ENKUR: variants seen among roughly 807,000 people sequenced by gnomAD.
ENKUR encodes the protein enkurin.
Under a neutral mutation model 27.6 loss-of-function variants are expected in ENKUR, and 19 were observed. That is an observed-to-expected ratio of 0.69 (90% CI 0.48 to 1.01). The LOEUF is 1.01. Among genes scored for constraint, ENKUR ranks in the 50% least tolerant of loss-of-function variants. ENKUR has a pLI of 0.00. For synonymous variants in ENKUR, 117 were observed against 96.9 expected, an observed-to-expected ratio of 1.21 and a Z score of -1.22; for missense variants, 312 against 310.5, an observed-to-expected ratio of 1.00 and a Z score of -0.04.
intron 4 of ENKUR, among the ~76,000 whole-genome samples, chr10:24,986,377 G>C (rs1849778686): frequency 6.6e-6 from 1 of 152,174 alleles, no homozygotes; most frequent in Non-Finnish European, 1.5e-5. Flanking sequence ...AAGGATCTGG[G>C]AAAGGGAAAG....
chr10:25,005,484 C>A (rs1015299178), intron 1 of ENKUR, among the ~76,000 whole-genome samples: 7 of 152,034 alleles, frequency 4.6e-5, no homozygotes, highest in South Asian at 2.1e-4. Flanking sequence ...CTCTAATGGG[C>A]AAAATAGGCA....
chr10:25,023,195 GT>G (rs1280694008), intron 2 of ENKUR: 1 of 1,570,526 alleles, frequency 6.4e-7, no homozygotes, highest in Non-Finnish European at 8.6e-7. Flanking sequence ...CAATTTTTAG[GT>G]TGGCTTGGGC....
chr10:25,037,270 A>G (rs1042192032), intron 2 of ENKUR, among the ~76,000 whole-genome samples: 2 of 152,120 alleles, frequency 1.3e-5, no homozygotes, highest in Non-Finnish European at 2.9e-5. Context: ...AGAAATTAAG[A>G]CTCATGGGCC....
intron 2 of ENKUR, among the ~76,000 whole-genome samples, chr10:24,997,073 G>A (rs73608212): frequency 0.029 from 4,347 of 152,248 alleles, 139 homozygotes; most frequent in African/African-American, 0.078. Context: ...ACCCTGCTGC[G>A]TGTGGTGTTG....
Position 24,984,616 on chromosome 10 carries a change from T to C in ENKUR, c.764+120A>G, listed in dbSNP as rs1424579111. 5 of 1,079,254 alleles carry C rather than the reference T, an allele frequency of 4.6e-6. No individual in the cohort carries two copies. In the Admixed American group the frequency reaches 1.5e-4, roughly 33 times the overall value. 66.9% of individuals were successfully genotyped at this position (1,079,254 alleles called of 1,614,324 possible). A position where few individuals can be genotyped will look rare whatever the true frequency, so the allele number is the denominator to read the frequency against. ...TTTGCATATTGCCTAAGCATTCTGA[T>C]TAAGACTATTTTTATTCTCTTCATA... On this transcript the variant is annotated intron_variant, in intron 5 of 5. Coordinates refer to ENST00000331161, the MANE Select transcript of ENKUR (RefSeq NM_145010.4).
At position 24,999,474 on chromosome 10, in the gene ENKUR, T is replaced by C; in HGVS notation, c.150A>G (p.Gly50=). The C allele has an allele frequency of 3.1e-6, 5 of 1,613,378 alleles. No homozygotes were observed. The highest frequency in any genetic ancestry group is 4.2e-6 in the Non-Finnish European group (5 of 1,179,698). Residue 50 remains glycine (G), a synonymous_variant, in exon 2 of 6, where the codon GGA becomes GGG. Transcript: ENST00000331161. ...QKAKTAMKTM[G]PAKVEVPSPK... ...GAGAAGGTACTTCAACTTTTGCTGG[T>C]CCCATAGTTTTCATTGCAGTTTTAG...
At chr10:25,045,974 T>C (rs993096097) in intron 2 of ENKUR, among the ~76,000 whole-genome samples, 1 of 152,176 alleles carries the variant, frequency 6.6e-6, no homozygotes, top group African/African-American at 2.4e-5. Flanking sequence ...TGAACCTGAT[T>C]TCATAGTTCA....
intron 2 of ENKUR, among the ~76,000 whole-genome samples, chr10:25,028,386 C>T (rs59288814): frequency 0.013 from 2,040 of 152,226 alleles, 58 homozygotes; most frequent in African/African-American, 0.046. Context: ...TCCCTTTCCC[C>T]GCCCCTTTGA....
intron 1 of ENKUR, among the ~76,000 whole-genome samples, chr10:25,007,426 ATTTATTTG>A (rs1365813724): frequency 6.6e-6 from 1 of 151,778 alleles, no homozygotes; most frequent in African/African-American, 2.4e-5. Context: ...TTATTTATTT[ATTTATTTG>A]TTTGTTTGTT....
chr10:25,026,347 AG>A (rs1458730999), intron 2 of ENKUR: 2 of 166,726 alleles, frequency 1.2e-5, no homozygotes, highest in African/African-American at 4.8e-5. Flanking sequence ...AGGATGAAAC[AG>A]TAAGCAGAAC....
upstream of ENKUR, among the ~76,000 whole-genome samples, chr10:25,018,659 G>GTTTTTTTTTTTTTTTTTTTTTTTTT (rs374289213): frequency 6.4e-5 from 6 of 93,716 alleles, 1 homozygote; most frequent in Non-Finnish European, 6.6e-5. Flanking sequence ...AATGAGAGTT[G>GTTTTTTTTTTTTTTTTTTTTTTTTT]TTTTTTTTTT....
At chr10:24,998,446 C>A (rs927806993) in intron 2 of ENKUR, among the ~76,000 whole-genome samples, 5 of 151,242 alleles carry the variant, frequency 3.3e-5, no homozygotes, top group African/African-American at 1.2e-4. Context: ...TTGATCATAG[C>A]TCACTGCAGT....
At chr10:25,008,500 T>C (rs1850365749) in intron 1 of ENKUR, among the ~76,000 whole-genome samples, 1 of 152,208 alleles carries the variant, frequency 6.6e-6, no homozygotes, top group Non-Finnish European at 1.5e-5. Flanking sequence ...AACATGTAAG[T>C]GTTAACAGTA....
At chr10:25,031,528 T>G (rs1332697104) in intron 2 of ENKUR, among the ~76,000 whole-genome samples, 1 of 152,184 alleles carries the variant, frequency 6.6e-6, no homozygotes, top group Non-Finnish European at 1.5e-5. Context: ...ATAAATTGTT[T>G]TAATTCACTA....
chr10:25,024,510 G>A, intron 2 of ENKUR: 1 of 1,614,182 alleles, frequency 6.2e-7, no homozygotes, highest in Non-Finnish European at 8.5e-7. Context: ...AAAATGGATG[G>A]GCAGTGGGTG....
At chr10:25,004,209 G>T (rs1850259055) in intron 1 of ENKUR, among the ~76,000 whole-genome samples, 1 of 152,088 alleles carries the variant, frequency 6.6e-6, no homozygotes, top group Admixed American at 6.5e-5. Context: ...CCATGTCTTT[G>T]CTACTGTGAA....
chr10:25,031,271 C>G (rs551372237), intron 2 of ENKUR, among the ~76,000 whole-genome samples: 2 of 152,268 alleles, frequency 1.3e-5, no homozygotes, highest in Admixed American at 6.5e-5. Context: ...TAGAAAGTGG[C>G]AGAAGGTATA....
At chr10:24,987,485 T>A (rs993135164) in intron 4 of ENKUR, among the ~76,000 whole-genome samples, 2 of 151,042 alleles carry the variant, frequency 1.3e-5, no homozygotes, top group Non-Finnish European at 3.0e-5. Context: ...AATAAAAAAA[T>A]GAAATAAAAA....
At chr10:25,019,367 G>A (rs1255743165), upstream of ENKUR, among the ~76,000 whole-genome samples, 1 of 152,152 alleles carries the variant, frequency 6.6e-6, no homozygotes, top group Non-Finnish European at 1.5e-5. Context: ...CCAGCTACTT[G>A]GGAGGCTGAG....
Sources: allele counts gnomAD v4.1 joint callset (sites outside exome capture counted in the v4.1 genomes callset), GRCh38; gene constraint gnomAD v4.1.1; transcripts MANE v1.5; gene names NCBI Gene and HGNC (gene_info 2026-07-23, HGNC 2026-07-21).